NARS2: variants seen among roughly 807,000 people sequenced by gnomAD.
The protein encoded by NARS2 is asparaginyl-tRNA synthetase.
Under a neutral mutation model 62.9 loss-of-function variants are expected in NARS2, and 60 were observed. The ratio of observed to expected loss-of-function variants is 0.95; its 90% CI spans 0.77 to 1.18. The LOEUF (loss-of-function observed/expected upper bound fraction) is 1.18. Among genes scored for constraint, NARS2 ranks in the 50% most tolerant of loss-of-function variants. NARS2 has a pLI of 0.00. For synonymous variants in NARS2, 196 were observed against 200.0 expected (o/e 0.98, Z 0.17); for missense variants, 619 against 576.4 (o/e 1.07, Z -0.76).
chr11:78,527,199 A>C (rs1565259770), intron 6 of NARS2, among the ~76,000 whole-genome samples: 1 of 152,174 alleles, frequency 6.6e-6, no homozygotes, highest in African/African-American at 2.4e-5. Context: ...CAACTATTAA[A>C]ATGTCTATAA....
At chr11:78,491,163 T>C (rs1477955563) in intron 7 of NARS2, among the ~76,000 whole-genome samples, 1 of 152,224 alleles carries the variant, frequency 6.6e-6, no homozygotes. Context: ...ACAGCAGCAC[T>C]ACTGATACTT....
At chr11:78,517,265 T>C (rs1475671620) in intron 6 of NARS2, among the ~76,000 whole-genome samples, 1 of 152,200 alleles carries the variant, frequency 6.6e-6, no homozygotes, top group Non-Finnish European at 1.5e-5. Flanking sequence ...AGGTTGGTAG[T>C]ACCATTTCCT....
At chr11:78,466,364 A>G (rs1449276858) in intron 10 of NARS2, among the ~76,000 whole-genome samples, 2 of 151,974 alleles carry the variant, frequency 1.3e-5, no homozygotes, top group East Asian at 1.9e-4. Context: ...CAGAATCACA[A>G]TTTTTAATAG....
At chr11:78,512,836 A>T (rs1565249669) in intron 6 of NARS2, among the ~76,000 whole-genome samples, 1 of 152,200 alleles carries the variant, frequency 6.6e-6, no homozygotes, top group Non-Finnish European at 1.5e-5. Flanking sequence ...GGGATACATA[A>T]GATATTGTGT....
Position 78,435,983 on chromosome 11 carries a change from T to C in NARS2, c.*687A>G, listed in dbSNP as rs796452681. 2.6e-5 allele frequency: 4 copies of C among 152,232 alleles called. No individual in the cohort carries two copies. The highest frequency in any genetic ancestry group is 6.5e-5 in the Admixed American group (1 of 15,306). 9.4% of individuals were successfully genotyped at this position (152,232 alleles called of 1,614,324 possible). ...TTTCCATAGGTGTCTATTAAAAAAA[T>C]CTATTTTATTAGACAAATTATAAAC... On this transcript the variant is annotated 3_prime_UTR_variant, in exon 14 of 14. Transcript: ENST00000281038.
intron 9 of NARS2, among the ~76,000 whole-genome samples, chr11:78,472,483 T>G (rs182097898): frequency 2.2e-4 from 34 of 152,332 alleles, no homozygotes; most frequent in Non-Finnish European, 4.3e-4. Context: ...GTAAGTACTC[T>G]ACATTTTCAG....
chr11:78,569,989 G>A (rs1053316331), intron 2 of NARS2, among the ~76,000 whole-genome samples: 1 of 152,134 alleles, frequency 6.6e-6, no homozygotes, highest in Non-Finnish European at 1.5e-5. Flanking sequence ...AGGAGTTCGA[G>A]ACCAGCCTGG....
intron 7 of NARS2, among the ~76,000 whole-genome samples, chr11:78,492,112 GACAC>G (rs754089395): frequency 1.3e-4 from 19 of 145,502 alleles, no homozygotes; most frequent in African/African-American, 3.8e-4. Context: ...TATATATACA[GACAC>G]ACACACACAC....
intron 5 of NARS2, among the ~76,000 whole-genome samples, chr11:78,536,279 C>T (rs1855339826): frequency 6.6e-6 from 1 of 152,136 alleles, no homozygotes; most frequent in Non-Finnish European, 1.5e-5. Context: ...TTTATCATTA[C>T]TTTAGAGTGT....
At chr11:78,507,488 T>A (rs967569260) in intron 6 of NARS2, among the ~76,000 whole-genome samples, 4 of 151,146 alleles carry the variant, frequency 2.6e-5, no homozygotes, top group African/African-American at 9.7e-5. Flanking sequence ...CTCACATGAT[T>A]AGATACAGAT....
chr11:78,505,269 T>TACACAC (rs10533814), intron 6 of NARS2, among the ~76,000 whole-genome samples: 92 of 133,422 alleles, frequency 6.9e-4, no homozygotes, highest in Admixed American at 1.8e-3. Flanking sequence ...GAAAACAAAA[T>TACACAC]ACACACACAC....
intron 11 of NARS2, among the ~76,000 whole-genome samples, chr11:78,457,479 T>C (rs778350941): frequency 3.3e-5 from 5 of 152,206 alleles, no homozygotes; most frequent in Admixed American, 2.6e-4. Flanking sequence ...AAATGAGGGA[T>C]AGAAGCAGGC....
chr11:78,571,409 G>T lies in NARS2; in HGVS notation c.177C>A (p.Val59=). The change falls in exon 2 of 14, where the codon GTC becomes GTA. Residue 59 remains valine, a synonymous_variant. Transcript: ENST00000281038. The stretch of plus-strand genomic sequence containing the variant: ...ACCCATCATTTACATGCAGGAACAA[G>T]ACTTCCTTCTGGGATCGGACAGAAC... ...WIRSVRSQKE[V]LFLHVNDGSS... is the part of the protein sequence containing the mutation. 1 of 1,613,430 alleles carries T rather than the reference G, an allele frequency of 6.2e-7. No homozygotes were observed. Among genetic ancestry groups the T allele is most frequent in the Non-Finnish European group, 8.5e-7 (1 of 1,179,848 alleles).
intron 2 of NARS2, 119 bp from the exon 3 acceptor site, chr11:78,568,871 TTAAA>T (rs1856827552): frequency 4.3e-6 from 3 of 702,918 alleles, no homozygotes; most frequent in South Asian, 5.0e-5. Context: ...CCTTATTGGG[TTAAA>T]TAATCTTCAG....
At chr11:78,441,847 A>C (rs1437131467) in intron 12 of NARS2, among the ~76,000 whole-genome samples, 1 of 152,258 alleles carries the variant, frequency 6.6e-6, no homozygotes, top group African/African-American at 2.4e-5. Context: ...GGCTGCCTTC[A>C]TAATATGGTT....
chr11:78,464,003 C>T (rs993759465), intron 11 of NARS2, among the ~76,000 whole-genome samples: 6 of 152,300 alleles, frequency 3.9e-5, no homozygotes, highest in African/African-American at 9.6e-5. Context: ...AATGAAGCCG[C>T]GGACCCTCAC....
intron 7 of NARS2, among the ~76,000 whole-genome samples, chr11:78,489,514 T>G (rs972266915): frequency 3.9e-5 from 6 of 152,136 alleles, no homozygotes; most frequent in African/African-American, 4.8e-5. Flanking sequence ...GGAACAGTCA[T>G]TTTGGAAAAC....
At chr11:78,479,491 C>CAA (rs1391670051) in intron 7 of NARS2, among the ~76,000 whole-genome samples, 4 of 152,124 alleles carry the variant, frequency 2.6e-5, no homozygotes, top group African/African-American at 9.7e-5. Context: ...GCCTAGGTGA[C>CAA]AGAGTGAGAT....
At chr11:78,442,529 C>T (rs1857606256) in intron 12 of NARS2, among the ~76,000 whole-genome samples, 1 of 151,932 alleles carries the variant, frequency 6.6e-6, no homozygotes, top group Non-Finnish European at 1.5e-5. Context: ...AAATGGCTAA[C>T]AGAATATTTT....
Sources: allele counts gnomAD v4.1 joint callset (sites outside exome capture counted in the v4.1 genomes callset), GRCh38; gene constraint gnomAD v4.1.1; transcripts MANE v1.5; gene names NCBI Gene and HGNC (gene_info 2026-07-23, HGNC 2026-07-21).